POFUT3: variants seen among roughly 807,000 people sequenced by gnomAD.
POFUT3 encodes GDP-fucose protein O-fucosyltransferase 3.
the POFUT3 span, among the ~76,000 whole-genome samples, chr8:33,315,925 T>C: frequency 6.6e-6 from 1 of 152,168 alleles, no homozygotes; most frequent in Non-Finnish European, 1.5e-5. Flanking sequence ...CATGTTTATG[T>C]TATAGTTAGA....
chr8:33,374,859 C>CT, the POFUT3 span, among the ~76,000 whole-genome samples: 1 of 147,778 alleles, frequency 6.8e-6, no homozygotes, highest in Admixed American at 6.8e-5. Flanking sequence ...AAGACATTTT[C>CT]TTTTTTTTCT....
chr8:33,464,309 T>C, the POFUT3 span, among the ~76,000 whole-genome samples: 63 of 152,280 alleles, frequency 4.1e-4, no homozygotes, highest in Admixed American at 1.0e-3. Context: ...TAATATTTGT[T>C]GAGTAACCTA....
the POFUT3 span, among the ~76,000 whole-genome samples, chr8:33,428,045 A>T: frequency 2.0e-5 from 3 of 152,168 alleles, no homozygotes; most frequent in African/African-American, 7.2e-5. Flanking sequence ...AATCGCTTGA[A>T]ACCAGGAGGC....
the POFUT3 span, chr8:33,371,647 A>G: frequency 1.3e-5 from 2 of 152,176 alleles, no homozygotes; most frequent in Non-Finnish European, 2.9e-5. Context: ...GATGCCCCAG[A>G]CAGGAGAGCT....
chr8:33,330,749 C>T, the POFUT3 span, among the ~76,000 whole-genome samples: 2 of 152,208 alleles, frequency 1.3e-5, no homozygotes, highest in East Asian at 1.9e-4. Flanking sequence ...CTCCCTTCAC[C>T]TCCTGTCCTG....
chr8:33,376,984 C>T, the POFUT3 span, among the ~76,000 whole-genome samples: 1 of 152,182 alleles, frequency 6.6e-6, no homozygotes, highest in African/African-American at 2.4e-5. Context: ...CACCTGTAAT[C>T]TCAGCAATTA....
chr8:33,315,837 T>C, the POFUT3 span, among the ~76,000 whole-genome samples: 18 of 152,166 alleles, frequency 1.2e-4, no homozygotes, highest in African/African-American at 3.9e-4. Context: ...CTTCTTCCCT[T>C]TGATACTGCC....
chr8:33,425,496 T>A, the POFUT3 span, among the ~76,000 whole-genome samples: 1 of 151,916 alleles, frequency 6.6e-6, no homozygotes, highest in East Asian at 1.9e-4. Flanking sequence ...AAGGAAAAAG[T>A]CCAGAGGGGG....
At chr8:33,374,545 A>G in the POFUT3 span, among the ~76,000 whole-genome samples, 1 of 152,180 alleles carries the variant, frequency 6.6e-6, no homozygotes. Flanking sequence ...TGTTACAGAA[A>G]TATGGCCAAA....
chr8:33,396,850 C>G, the POFUT3 span, among the ~76,000 whole-genome samples: 4 of 152,152 alleles, frequency 2.6e-5, no homozygotes, highest in African/African-American at 9.7e-5. Context: ...AATGACAAAT[C>G]CTCTCCACTG....
At chr8:33,350,234 T>C in the POFUT3 span, among the ~76,000 whole-genome samples, 437 of 152,332 alleles carry the variant, frequency 2.9e-3, 2 homozygotes, top group African/African-American at 9.9e-3. Context: ...CTGCTGATTA[T>C]TTCCTTTGCT....
the POFUT3 span, among the ~76,000 whole-genome samples, chr8:33,352,416 C>T: frequency 3.7e-4 from 56 of 152,214 alleles, no homozygotes; most frequent in Admixed American, 3.1e-3. Context: ...CACTTTCTGA[C>T]AAATCAGATA....
the POFUT3 span, among the ~76,000 whole-genome samples, chr8:33,338,044 G>C: frequency 6.6e-6 from 1 of 152,020 alleles, no homozygotes; most frequent in Non-Finnish European, 1.5e-5. Context: ...AATATCTGTT[G>C]TCTCTGTCCA....
chr8:33,457,677 C>T, the POFUT3 span, among the ~76,000 whole-genome samples: 2,137 of 152,174 alleles, frequency 0.014, 17 homozygotes, highest in Non-Finnish European at 0.019. Context: ...ATCATATTAA[C>T]ATATATCCAG....
chr8:33,425,333 C>T, the POFUT3 span, among the ~76,000 whole-genome samples: 2 of 151,774 alleles, frequency 1.3e-5, no homozygotes, highest in Non-Finnish European at 2.9e-5. Context: ...AACCCTTTCT[C>T]TTAAAAAAAT....
the POFUT3 span, among the ~76,000 whole-genome samples, chr8:33,421,127 A>G: frequency 6.6e-6 from 1 of 152,070 alleles, no homozygotes; most frequent in Non-Finnish European, 1.5e-5. Context: ...ATAAATATTA[A>G]CAAAATTCTT....
chr8:33,323,636 AT>A, the POFUT3 span, among the ~76,000 whole-genome samples: 3 of 152,170 alleles, frequency 2.0e-5, no homozygotes, highest in African/African-American at 7.2e-5. Flanking sequence ...CTTACTCCCA[AT>A]TCAAGAATAT....
chr8:33,465,270 A>T, the POFUT3 span, among the ~76,000 whole-genome samples: 32 of 152,260 alleles, frequency 2.1e-4, no homozygotes, highest in African/African-American at 7.2e-4. Context: ...AAATGTTTAG[A>T]TATATCACTC....
the POFUT3 span, among the ~76,000 whole-genome samples, chr8:33,401,388 TCATGTC>T: frequency 6.6e-6 from 1 of 152,132 alleles, no homozygotes; most frequent in Non-Finnish European, 1.5e-5. Flanking sequence ...GCAACCCAGT[TCATGTC>T]CATGCAGGCA....
Sources: gnomAD v4.1 joint callset for allele counts (sites outside exome capture counted in the v4.1 genomes callset) on GRCh38, gnomAD v4.1.1 for gene constraint, MANE v1.5 for transcripts, NCBI Gene and HGNC (gene_info 2026-07-23, HGNC 2026-07-21) for gene names.